Variants in MALRD1 observed in about 807,000 individuals in gnomAD.
MALRD1 encodes the protein MAM and LDL-receptor class A domain-containing protein 1.
Under a neutral mutation model 242.1 loss-of-function variants are expected in MALRD1, and 247 were observed. The observed-to-expected ratio is 1.02, with a 90% CI of 0.92 to 1.13. MALRD1 has a LOEUF of 1.13. Ranked by LOEUF, MALRD1 falls within the 50% of genes most tolerant of loss-of-function variation. The pLI is 0.00. For missense variants in MALRD1, 2,989 were observed against 2,533.1 expected, an observed-to-expected ratio of 1.18 and a Z score of -3.86; for synonymous variants, 995 against 866.6, an observed-to-expected ratio of 1.15 and a Z score of -2.60.
At chr10:19,405,297 C>G (rs1447252435) in intron 28 of MALRD1, among the ~76,000 whole-genome samples, 1 of 152,172 alleles carries the variant, frequency 6.6e-6, no homozygotes, top group Non-Finnish European at 1.5e-5. Context: ...GTCACCTCCT[C>G]TCCCTCTTTG....
intron 12 of MALRD1, among the ~76,000 whole-genome samples, chr10:19,157,715 C>G (rs1437036297): frequency 6.6e-6 from 1 of 152,106 alleles, no homozygotes; most frequent in African/African-American, 2.4e-5. Flanking sequence ...AGTGAGATAA[C>G]CAGTGTGGGG....
intron 18 of MALRD1, among the ~76,000 whole-genome samples, chr10:19,231,829 G>A (rs55851502): frequency 0.087 from 12,998 of 149,426 alleles, 628 homozygotes; most frequent in Middle Eastern, 0.11. Flanking sequence ...ACCGAGTCCC[G>A]CTTTCTGTTT....
intron 38 of MALRD1, among the ~76,000 whole-genome samples, chr10:19,716,282 G>A (rs1230242108): frequency 1.3e-5 from 2 of 152,186 alleles, no homozygotes; most frequent in African/African-American, 4.8e-5. Flanking sequence ...GGTGGAGCCT[G>A]CTGGGAGGTG....
At chr10:19,365,081 A>C (rs546400880) in intron 26 of MALRD1, among the ~76,000 whole-genome samples, 1 of 152,284 alleles carries the variant, frequency 6.6e-6, no homozygotes, top group African/African-American at 2.4e-5. Flanking sequence ...TTGTTTATAT[A>C]AAATTTTGTG....
intron 1 of MALRD1, among the ~76,000 whole-genome samples, chr10:19,063,957 AAAT>A (rs949165080): frequency 4.0e-5 from 6 of 151,784 alleles, no homozygotes; most frequent in East Asian, 1.9e-4. Flanking sequence ...ATAAAATAAA[AAAT>A]AATAATAATA....
intron 8 of MALRD1, among the ~76,000 whole-genome samples, chr10:19,130,354 A>G (rs573716348): frequency 6.6e-6 from 1 of 152,292 alleles, no homozygotes; most frequent in South Asian, 2.1e-4. Context: ...CCTCCATGCA[A>G]TCTACAACAT....
intron 26 of MALRD1, among the ~76,000 whole-genome samples, chr10:19,362,063 T>A (rs1844917870): frequency 6.6e-6 from 1 of 152,134 alleles, no homozygotes; most frequent in African/African-American, 2.4e-5. Context: ...TTTGCCTGCG[T>A]CAGCTTTGTG....
chr10:19,512,272 ATT>A (rs1833438264), intron 31 of MALRD1, among the ~76,000 whole-genome samples: 1 of 152,174 alleles, frequency 6.6e-6, no homozygotes, highest in South Asian at 2.1e-4. Context: ...ATATTTCATC[ATT>A]TATAAGAACA....
chr10:19,373,203 C>CAAAAAAAAAAAAAAAAAAAAAAAAAAAA lies in MALRD1; in HGVS notation c.4442-14308_4442-14307insAAAAAAAAAAAAAAAAAAAAAAAAAAAA, dbSNP rs374095193. On this transcript the variant is annotated intron_variant, in intron 26 of 39. Transcript: ENST00000454679. ...CTTGCATTTCAGCAAACGCTAAATACAAAAAAAAAAAAAAAAATAAGGGGC... is the reference window on the plus strand; with the variant it reads ...CTTGCATTTCAGCAAACGCTAAATACAAAAAAAAAAAAAAAAAAAAAAAAAAAAAAAAAAAAAAAAAAAAATAAGGGGC... 2.5e-3 allele frequency among the ~76,000 whole-genome samples: 286 copies of CAAAAAAAAAAAAAAAAAAAAAAAAAAAA among 114,754 alleles called. 9 individuals are homozygous for CAAAAAAAAAAAAAAAAAAAAAAAAAAAA. Among genetic ancestry groups the CAAAAAAAAAAAAAAAAAAAAAAAAAAAA allele is most frequent in the African/African-American group, 9.1e-3 (264 of 29,122 alleles). The allele number at this position is 114,754 out of a possible 152,430, so 75.3% of individuals were successfully genotyped here. A position where few individuals can be genotyped will look rare whatever the true frequency, so the allele number is the denominator to read the frequency against.
intron 2 of MALRD1, among the ~76,000 whole-genome samples, chr10:19,073,465 C>G (rs1300627722): frequency 2.0e-5 from 3 of 152,038 alleles, no homozygotes; most frequent in African/African-American, 7.2e-5. Flanking sequence ...AAATTGGAAA[C>G]TTTTTGAGGG....
chr10:19,380,797 A>T (rs1391745559), intron 26 of MALRD1, among the ~76,000 whole-genome samples: 11 of 152,094 alleles, frequency 7.2e-5, no homozygotes, highest in African/African-American at 2.7e-4. Context: ...CATCGTTTTT[A>T]ATATTTACCG....
At chr10:19,367,361 G>A (rs1845152864) in intron 26 of MALRD1, among the ~76,000 whole-genome samples, 1 of 152,124 alleles carries the variant, frequency 6.6e-6, no homozygotes, top group African/African-American at 2.4e-5. Context: ...GTGAGAACAT[G>A]TGTTGTTTAA....
rs551551545 is a variant in MALRD1, at chr10:19,221,774, G to A, written c.2991+12094G>A. 1.7e-4 allele frequency among the ~76,000 whole-genome samples: 26 copies of A among 152,082 alleles called. 1 individual carries two copies. Among genetic ancestry groups the A allele is most frequent in the African/African-American group, 6.3e-4 (26 of 41,510 alleles). On this transcript the variant is annotated intron_variant, in intron 18 of 39. Coordinates refer to ENST00000454679, the MANE Select transcript of MALRD1 (RefSeq NM_001142308.3). ...AAATTACAGTAGAATATTATTATGG[G>A]TCATCTTAATTGGAAATATACAGGA... is the stretch of plus-strand genomic sequence containing the variant.
At chr10:19,493,158 C>A (rs186817811) in intron 30 of MALRD1, 1 of 152,164 alleles carries the variant, frequency 6.6e-6, no homozygotes, top group East Asian at 1.9e-4. Flanking sequence ...AATAACACTC[C>A]ATTTACCCCT....
intron 18 of MALRD1, among the ~76,000 whole-genome samples, chr10:19,231,828 C>A (rs1409026856): frequency 6.8e-6 from 1 of 147,872 alleles, no homozygotes; most frequent in African/African-American, 2.5e-5. Flanking sequence ...CACCGAGTCC[C>A]GCTTTCTGTT....
At chr10:19,115,325 G>A (rs142820858) in intron 5 of MALRD1, among the ~76,000 whole-genome samples, 1 of 152,002 alleles carries the variant, frequency 6.6e-6, no homozygotes, top group Non-Finnish European at 1.5e-5. Context: ...CCCAAGAGGA[G>A]GTCTATACTC....
At chr10:19,421,605 T>G (rs1833722078) in intron 28 of MALRD1, among the ~76,000 whole-genome samples, 1 of 152,202 alleles carries the variant, frequency 6.6e-6, no homozygotes, top group South Asian at 2.1e-4. Flanking sequence ...TTATTGCAAA[T>G]TTTGCTAAAT....
At chr10:19,165,228 C>G (rs57020628) in intron 12 of MALRD1, among the ~76,000 whole-genome samples, 25,453 of 83,702 alleles carry the variant, frequency 0.3, 3,252 homozygotes, top group Admixed American at 0.4. Flanking sequence ...ATATTTAACA[C>G]AGAAGTTGTT....
At chr10:19,319,514 T>C (rs1842833902) in intron 21 of MALRD1, among the ~76,000 whole-genome samples, 1 of 152,164 alleles carries the variant, frequency 6.6e-6, no homozygotes, top group Non-Finnish European at 1.5e-5. Flanking sequence ...AATTCCACTC[T>C]GTCTTAATGT....
Sources: allele counts gnomAD v4.1 joint callset (sites outside exome capture counted in the v4.1 genomes callset), GRCh38; gene constraint gnomAD v4.1.1; transcripts MANE v1.5; gene names NCBI Gene and HGNC (gene_info 2026-07-23, HGNC 2026-07-21).